GRIA4: variants seen among roughly 807,000 people sequenced by gnomAD.
GRIA4 encodes the protein glutamate ionotropic receptor AMPA type subunit 4, also known as glutamate receptor 4.
In GRIA4, 34 loss-of-function variants were observed where a neutral mutation model predicts 104.0. The ratio of observed to expected loss-of-function variants is 0.33; its 90% CI spans 0.25 to 0.44. The LOEUF is 0.44. Among genes scored for constraint, GRIA4 ranks in the 20% least tolerant of loss-of-function variants. The pLI, the probability that GRIA4 is intolerant of heterozygous loss-of-function variation, is 1.00. For synonymous variants in GRIA4, 386 were observed against 381.9 expected, an observed-to-expected ratio of 1.01 and a Z score of -0.13; for missense variants, 750 against 1,096.5, an observed-to-expected ratio of 0.68 and a Z score of 4.46.
intron 10 of GRIA4, among the ~76,000 whole-genome samples, chr11:105,918,481 C>A (rs1947471120): frequency 1.3e-5 from 2 of 152,070 alleles, no homozygotes; most frequent in Non-Finnish European, 2.9e-5. Flanking sequence ...AATACTTTCT[C>A]AAATGGAAAT....
chr11:105,686,247 T>A (rs921211848), intron 3 of GRIA4, among the ~76,000 whole-genome samples: 4 of 152,190 alleles, frequency 2.6e-5, no homozygotes, highest in African/African-American at 9.6e-5. Context: ...CTAGTAGTCC[T>A]CAGTGTTTAC....
At chr11:105,841,129 C>T (rs1377191927) in intron 4 of GRIA4, among the ~76,000 whole-genome samples, 1 of 152,036 alleles carries the variant, frequency 6.6e-6, no homozygotes, top group Admixed American at 6.6e-5. Context: ...TTAATGGCTT[C>T]TCTTTCACCC....
intron 3 of GRIA4, among the ~76,000 whole-genome samples, chr11:105,665,509 C>A (rs977827500): frequency 6.6e-6 from 1 of 151,874 alleles, no homozygotes; most frequent in Non-Finnish European, 1.5e-5. Flanking sequence ...AGTGCAGGAC[C>A]AGAGAGGATA....
At chr11:105,722,466 G>A (rs953945383) in intron 3 of GRIA4, among the ~76,000 whole-genome samples, 8 of 152,084 alleles carry the variant, frequency 5.3e-5, no homozygotes, top group African/African-American at 1.9e-4. Context: ...TGTAAGTAGA[G>A]AAGCATCTGT....
chr11:105,718,499 T>C (rs1954178862), intron 3 of GRIA4, among the ~76,000 whole-genome samples: 1 of 152,208 alleles, frequency 6.6e-6, no homozygotes, highest in Admixed American at 6.6e-5. Flanking sequence ...AATGGATGGA[T>C]ATTTGAGGGA....
intron 3 of GRIA4, among the ~76,000 whole-genome samples, chr11:105,667,300 T>G (rs1381933369): frequency 6.6e-6 from 1 of 151,932 alleles, no homozygotes; most frequent in Non-Finnish European, 1.5e-5. Flanking sequence ...ATAAACACAG[T>G]AAGAGATGAT....
rs181617781 is a variant in GRIA4, at chr11:105,979,972, G to A, written c.*233G>A. On this transcript the variant is annotated 3_prime_UTR_variant, in exon 17 of 17. Transcript: ENST00000282499. Reference sequence around the variant, plus strand: ...AAAACTCACAATTGAGGTTTTTTTCGGGGAGTGGGTGGGGGAGGGATCTGG... The same window carrying A: ...AAAACTCACAATTGAGGTTTTTTTCAGGGAGTGGGTGGGGGAGGGATCTGG... The A allele has an allele frequency of 7.0e-6, 3 of 425,860 alleles. No homozygotes were observed. Among genetic ancestry groups the A allele is most frequent in the Non-Finnish European group, 1.3e-5 (3 of 233,226 alleles). The allele number at this position is 425,860 out of a possible 1,614,324, so 26.4% of individuals were successfully genotyped here.
intron 14 of GRIA4, among the ~76,000 whole-genome samples, chr11:105,954,910 T>TTATATATATATATA (rs56101816): frequency 3.1e-4 from 14 of 45,744 alleles, no homozygotes; most frequent in South Asian, 9.2e-4. Context: ...TGCTTTCAAT[T>TTATATATATATATA]TATATATATA....
chr11:105,696,655 T>G (rs1453836673), intron 3 of GRIA4, among the ~76,000 whole-genome samples: 1 of 152,190 alleles, frequency 6.6e-6, no homozygotes, highest in Non-Finnish European at 1.5e-5. Context: ...TGAAATTTAA[T>G]TAATTGAAAT....
intron 3 of GRIA4, among the ~76,000 whole-genome samples, chr11:105,731,290 G>C (rs1209934598): frequency 6.6e-6 from 1 of 152,054 alleles, no homozygotes. Context: ...CATCATCACT[G>C]GTCATTAGAG....
At chr11:105,792,016 C>A (rs1319552766) in intron 4 of GRIA4, among the ~76,000 whole-genome samples, 4 of 151,968 alleles carry the variant, frequency 2.6e-5, no homozygotes, top group Non-Finnish European at 4.4e-5. Flanking sequence ...TATCACTTAC[C>A]CTTAGGTAGC....
At chr11:105,724,737 C>A (rs1377904204) in intron 3 of GRIA4, among the ~76,000 whole-genome samples, 1 of 152,104 alleles carries the variant, frequency 6.6e-6, no homozygotes, top group Non-Finnish European at 1.5e-5. Flanking sequence ...CATCACTCTG[C>A]AATATATCCC....
At chr11:105,814,621 A>G (rs1939150) in intron 4 of GRIA4, among the ~76,000 whole-genome samples, 18,682 of 152,216 alleles carry the variant, frequency 0.12, 1,253 homozygotes, top group Admixed American at 0.22. Flanking sequence ...AGTGACAGAT[A>G]GTAGGCAAAT....
intron 4 of GRIA4, among the ~76,000 whole-genome samples, chr11:105,782,022 G>A (rs750654912): frequency 7.2e-5 from 11 of 152,126 alleles, no homozygotes; most frequent in Non-Finnish European, 1.0e-4. Flanking sequence ...CCAAAGCATA[G>A]ATGAAAGCTT....
chr11:105,753,388 C>T (rs528338214), intron 4 of GRIA4, among the ~76,000 whole-genome samples, 168 bp downstream of exon 4: 2 of 152,174 alleles, frequency 1.3e-5, no homozygotes, highest in Admixed American at 6.5e-5. Flanking sequence ...TCTAATTAAA[C>T]GAGTTTCAGA....
At chr11:105,975,817 G>T (rs867619775) in intron 16 of GRIA4, among the ~76,000 whole-genome samples, 2 of 152,018 alleles carry the variant, frequency 1.3e-5, no homozygotes, top group African/African-American at 4.8e-5. Context: ...AAAGCAAAGA[G>T]CCAATGCCAT....
chr11:105,960,332 G>C lies in GRIA4; in HGVS notation c.2295-11582G>C, dbSNP rs1358359729. ...GGCTGGAGTTACTGGAGATCCTGCG[G>C]GGAAGCCCCGCCCACTGAGGAAGAA... On this transcript the variant is annotated intron_variant, in intron 14 of 16. Coordinates refer to ENST00000282499, the MANE Select transcript of GRIA4 (RefSeq NM_000829.4). 2.6e-5 allele frequency among the ~76,000 whole-genome samples: 4 copies of C among 152,340 alleles called. No homozygotes were observed. In the East Asian group the frequency reaches 5.8e-4, roughly 22 times the overall value.
chr11:105,788,662 T>C (rs958994347), intron 4 of GRIA4, among the ~76,000 whole-genome samples: 1 of 152,182 alleles, frequency 6.6e-6, no homozygotes, highest in African/African-American at 2.4e-5. Flanking sequence ...TAACACTGCA[T>C]GTTCTCACTT....
intron 3 of GRIA4, among the ~76,000 whole-genome samples, chr11:105,733,896 G>C (rs1200653590): frequency 1.3e-5 from 2 of 150,746 alleles, no homozygotes; most frequent in African/African-American, 2.4e-5. Context: ...TGCCTTTCCT[G>C]GTAAGGTTAC....
Sources: allele counts gnomAD v4.1 joint callset (sites outside exome capture counted in the v4.1 genomes callset), GRCh38; gene constraint gnomAD v4.1.1; transcripts MANE v1.5; gene names NCBI Gene and HGNC (gene_info 2026-07-23, HGNC 2026-07-21).